GABRA2: variants seen among roughly 807,000 people sequenced by gnomAD.
GABRA2 encodes the protein gamma-aminobutyric acid type A receptor subunit alpha2.
In GABRA2, 16 loss-of-function variants were observed where a neutral mutation model predicts 48.7. The observed-to-expected ratio is 0.33, with a 90% CI of 0.22 to 0.50. GABRA2 has a LOEUF of 0.50. Among genes scored for constraint, GABRA2 ranks in the 20% least tolerant of loss-of-function variants. The probability of loss-of-function intolerance (pLI) is 0.98; values close to 1 mark genes in which losing one functional copy is unlikely to be tolerated. For missense variants in GABRA2, 275 were observed against 535.6 expected, an observed-to-expected ratio of 0.51 and a Z score of 4.80; for synonymous variants, 185 against 184.5, an observed-to-expected ratio of 1.00 and a Z score of -0.02.
chr4:46,355,852 A>G (rs943729053), intron 3 of GABRA2, among the ~76,000 whole-genome samples: 2 of 152,110 alleles, frequency 1.3e-5, no homozygotes, highest in Non-Finnish European at 2.9e-5. Context: ...AAGACTCTTT[A>G]AGGGTCTTTC....
At position 46,305,797 on chromosome 4, in the gene GABRA2, A is replaced by G. The variant is rs1441791897; in HGVS notation, c.560-86T>C. The G allele has an allele frequency of 8.6e-6, 8 of 934,102 alleles. No homozygotes were observed. In the Admixed American group the frequency reaches 1.8e-4, roughly 22 times the overall value. 57.9% of individuals were successfully genotyped at this position (934,102 alleles called of 1,614,324 possible). A position where few individuals can be genotyped will look rare whatever the true frequency, so the allele number is the denominator to read the frequency against. ...CACGAACGGTTGTGTATTTCATACA[A>G]TCACTATATACTTTCAATATTAATA... is the stretch of plus-strand genomic sequence containing the variant. On this transcript the variant is annotated intron_variant, in intron 6 of 9. Coordinates refer to ENST00000381620, the MANE Select transcript of GABRA2 (RefSeq NM_000807.4).
intron 3 of GABRA2, among the ~76,000 whole-genome samples, chr4:46,356,345 C>T (rs1735957420): frequency 6.6e-6 from 1 of 151,220 alleles, no homozygotes. Context: ...CTGAATCTCC[C>T]ATTCAAGAAT....
At chr4:46,301,122 G>C (rs1289917283) in intron 8 of GABRA2, among the ~76,000 whole-genome samples, 1 of 151,970 alleles carries the variant, frequency 6.6e-6, no homozygotes, top group African/African-American at 2.4e-5. Flanking sequence ...CTTATGTTAA[G>C]TATCCTTACC....
chr4:46,346,930 G>C (rs998839083), intron 3 of GABRA2, among the ~76,000 whole-genome samples: 1 of 151,808 alleles, frequency 6.6e-6, no homozygotes, highest in Non-Finnish European at 1.5e-5. Context: ...AATTAAAGCT[G>C]CAAACTACAA....
chr4:46,347,838 T>C (rs1194019998), intron 3 of GABRA2, among the ~76,000 whole-genome samples: 1 of 151,726 alleles, frequency 6.6e-6, no homozygotes, highest in Non-Finnish European at 1.5e-5. Context: ...TATTTACAAA[T>C]CATAAGTCAG....
At position 46,246,219 on chromosome 4, in the gene GABRA2, C is replaced by T. The variant is rs1713692063; in HGVS notation, c.*4089G>A. Reference sequence around the variant, plus strand: ...CACTTGGTTTAATTAACAACAGTCTCCTGTTTCCTGTGGTTTCTTCTTTTC... The same window carrying T: ...CACTTGGTTTAATTAACAACAGTCTTCTGTTTCCTGTGGTTTCTTCTTTTC... On this transcript the variant is annotated 3_prime_UTR_variant, in exon 10 of 10. Transcript: ENST00000381620. 1.3e-5 allele frequency among the ~76,000 whole-genome samples: 2 copies of T among 150,836 alleles called. No individual in the cohort carries two copies. Among genetic ancestry groups the T allele is most frequent in the South Asian group, 4.2e-4 (2 of 4,792 alleles).
intron 3 of GABRA2, among the ~76,000 whole-genome samples, chr4:46,345,306 A>T (rs1733959913): frequency 6.6e-6 from 1 of 151,884 alleles, no homozygotes; most frequent in Admixed American, 6.6e-5. Flanking sequence ...AAAATGGACT[A>T]ATACACCACG....
chr4:46,330,532 AGATAT>A (rs1169401562), intron 4 of GABRA2, among the ~76,000 whole-genome samples: 1 of 149,002 alleles, frequency 6.7e-6, no homozygotes, highest in Non-Finnish European at 1.5e-5. Flanking sequence ...TGCTAGAAAT[AGATAT>A]GTTTGCATTT....
At position 46,258,637 on chromosome 4, in the gene GABRA2, C is replaced by CA. The variant is rs545921843; in HGVS notation, c.1059+3288dup. ...TCCACTCTGAACTCTGGCAGAGAAT[C>CA]AAAAAACAGAAAATGAATAGTGGCA... is the stretch of plus-strand genomic sequence containing the variant. On this transcript the variant is annotated intron_variant, in intron 9 of 9. Transcript: ENST00000381620. Among the ~76,000 whole-genome samples, 96 of 151,622 alleles carry CA rather than the reference C, an allele frequency of 6.3e-4. 2 individuals carry two copies. Among genetic ancestry groups the CA allele is most frequent in the South Asian group, 2.7e-3 (13 of 4,810 alleles).
intron 4 of GABRA2, among the ~76,000 whole-genome samples, chr4:46,323,930 G>C (rs189131944): frequency 6.6e-6 from 1 of 152,064 alleles, no homozygotes; most frequent in Non-Finnish European, 1.5e-5. Flanking sequence ...AGGCCAGAGA[G>C]TTGTTAAATA....
At chr4:46,264,310 T>A (rs1717665367) in intron 8 of GABRA2, among the ~76,000 whole-genome samples, 1 of 152,112 alleles carries the variant, frequency 6.6e-6, no homozygotes, top group Admixed American at 6.6e-5. Context: ...ATATTTTTAT[T>A]TGTTTTTCTT....
At position 46,344,221 on chromosome 4, in the gene GABRA2, G is replaced by A. The variant is rs556385871; in HGVS notation, c.188-11539C>T. Among the ~76,000 whole-genome samples the A allele has an allele frequency of 8.4e-4, 128 of 152,118 alleles. 1 individual carries two copies. The highest frequency in any genetic ancestry group is 3.0e-3 in the African/African-American group (126 of 41,536). On this transcript the variant is annotated intron_variant, in intron 3 of 9. Coordinates refer to ENST00000381620, the MANE Select transcript of GABRA2 (RefSeq NM_000807.4). Reference sequence around the variant, plus strand: ...TACAGAGAGATAGTGACTAAAAGTAGAGGAGAATACAGTATCTCAAAGACT... The same window carrying A: ...TACAGAGAGATAGTGACTAAAAGTAAAGGAGAATACAGTATCTCAAAGACT...
chr4:46,280,911 T>C (rs538205933), intron 8 of GABRA2, among the ~76,000 whole-genome samples: 2 of 152,226 alleles, frequency 1.3e-5, no homozygotes, highest in African/African-American at 2.4e-5. Context: ...TATGAGAACA[T>C]AGAGAGATGG....
chr4:46,361,905 A>G lies in GABRA2; in HGVS notation c.187+24169T>C, dbSNP rs545218191. Among the ~76,000 whole-genome samples the G allele has an allele frequency of 2.0e-5, 3 of 152,348 alleles. 1 individual carries two copies. Among genetic ancestry groups the G allele is most frequent in the African/African-American group, 4.8e-5 (2 of 41,584 alleles). ...GATTTTGGACTTGCATGAGGCCTGT[A>G]GGCCCTTTGTTTTGGCCAATTTCTC... On this transcript the variant is annotated intron_variant, in intron 3 of 9. Transcript: ENST00000381620.
At chr4:46,378,866 C>A (rs545898504) in intron 3 of GABRA2, among the ~76,000 whole-genome samples, 2 of 151,850 alleles carry the variant, frequency 1.3e-5, no homozygotes, top group South Asian at 2.1e-4. Context: ...CTGGGCCATG[C>A]ACTTTACTGA....
intron 4 of GABRA2, among the ~76,000 whole-genome samples, chr4:46,314,273 G>T (rs959440765): frequency 6.6e-6 from 1 of 152,018 alleles, no homozygotes; most frequent in African/African-American, 2.4e-5. Context: ...ACTTTTCCAG[G>T]CAAAATTAAT....
chr4:46,332,407 G>A (rs1238179021), intron 4 of GABRA2, among the ~76,000 whole-genome samples: 1 of 152,006 alleles, frequency 6.6e-6, no homozygotes, highest in African/African-American at 2.4e-5. Flanking sequence ...TTTTGAAAAT[G>A]ACGTAAAATA....
At chr4:46,290,773 A>G (rs1723474714) in intron 8 of GABRA2, among the ~76,000 whole-genome samples, 1 of 152,196 alleles carries the variant, frequency 6.6e-6, no homozygotes, top group South Asian at 2.1e-4. Flanking sequence ...GACCTTTCAG[A>G]AATGTCACTT....
At chr4:46,322,154 C>T (rs1034836302) in intron 4 of GABRA2, among the ~76,000 whole-genome samples, 1 of 151,716 alleles carries the variant, frequency 6.6e-6, no homozygotes, top group Non-Finnish European at 1.5e-5. Flanking sequence ...CTTGGCCTGT[C>T]TCCACAGTAT....
Sources: allele counts gnomAD v4.1 joint callset (sites outside exome capture counted in the v4.1 genomes callset), GRCh38; gene constraint gnomAD v4.1.1; transcripts MANE v1.5; gene names NCBI Gene and HGNC (gene_info 2026-07-23, HGNC 2026-07-21).